Variants in POLN observed in about 807,000 individuals in gnomAD.
POLN encodes DNA polymerase N.
A neutral mutation model predicts 113.5 loss-of-function variants in POLN; 108 were observed. The observed-to-expected ratio is 0.95, with a 90% CI of 0.81 to 1.12. POLN has a LOEUF of 1.12. Ranked by LOEUF, POLN falls within the 50% of genes most tolerant of loss-of-function variation. The probability of loss-of-function intolerance (pLI) is 0.00; values close to 1 mark genes in which losing one functional copy is unlikely to be tolerated. For missense variants in POLN, 1,097 were observed against 1,077.1 expected (o/e 1.02, Z -0.26); for synonymous variants, 386 against 391.5 (o/e 0.99, Z 0.17).
chr4:2,179,637 T>A (rs776719148), intron 7 of POLN, among the ~76,000 whole-genome samples, 172 bp from the exon 8 acceptor site: 7 of 152,198 alleles, frequency 4.6e-5, no homozygotes, highest in Non-Finnish European at 1.0e-4. Context: ...GAACCCTTGA[T>A]AAGGCAGCCT....
chr4:2,207,835 G>T, intron 5 of POLN, 152 bp downstream of exon 5: 1 of 829,870 alleles, frequency 1.2e-6, no homozygotes, highest in Non-Finnish European at 1.8e-6. Context: ...CTAAGAAACT[G>T]ATGGGAGCAT....
chr4:2,235,796 G>C lies in POLN; in HGVS notation c.-13+5724C>G, dbSNP rs73201295. On this transcript the variant is annotated intron_variant, in intron 2 of 25. Coordinates refer to ENST00000511885, the MANE Select transcript of POLN (RefSeq NM_181808.4). Reference sequence around the variant, plus strand: ...GTGCGTAATAAAACTATACATAAAAGCAAGAAAATAATGAACAAATTAAGC... The same window carrying C: ...GTGCGTAATAAAACTATACATAAAACCAAGAAAATAATGAACAAATTAAGC... 4.6e-3 allele frequency among the ~76,000 whole-genome samples: 702 copies of C among 152,012 alleles called. 4 individuals carry two copies. The highest frequency in any genetic ancestry group is 8.4e-3 in the Admixed American group (129 of 15,270).
At chr4:2,146,203 G>A (rs200383779) in intron 16 of POLN, among the ~76,000 whole-genome samples, 2 of 152,062 alleles carry the variant, frequency 1.3e-5, no homozygotes, top group East Asian at 3.9e-4. Flanking sequence ...GATTAACAGG[G>A]GCTTTAAATG....
rs755336523 is a variant in POLN at position 2,159,225 on chromosome 4, T to C, written c.1555-14A>G. The C allele has an allele frequency of 1.3e-6, 2 of 1,580,858 alleles. No homozygotes were observed. Among genetic ancestry groups the C allele is most frequent in the East Asian group, 4.5e-5 (2 of 44,644 alleles). On this transcript the variant is annotated splice_polypyrimidine_tract_variant and intron_variant, in intron 13 of 25. Coordinates refer to ENST00000511885, the MANE Select transcript of POLN (RefSeq NM_181808.4). ...CAGAGCATTTAACTAAACATGAAAA[T>C]AGATACTACCAATGTAATTCGTCCA...
At position 2,124,783 on chromosome 4, in the gene POLN, G is replaced by T. The variant is rs569255452; in HGVS notation, c.1982+3330C>A. 1.3e-3 allele frequency among the ~76,000 whole-genome samples: 197 copies of T among 152,282 alleles called. 1 individual carries two copies. Among genetic ancestry groups the T allele is most frequent in the African/African-American group, 4.2e-3 (176 of 41,550 alleles). On this transcript the variant is annotated intron_variant, in intron 19 of 25. Transcript: ENST00000511885. Reference sequence around the variant, plus strand: ...TGACTTGTCCCTTGCTGGGGGTGGGGTCCTCGTTGCTGTTGCTGGCCCTGG... The same window carrying T: ...TGACTTGTCCCTTGCTGGGGGTGGGTTCCTCGTTGCTGTTGCTGGCCCTGG...
rs186029856 is a variant in POLN, at chr4:2,143,022, T to A, written c.1732-11732A>T. On this transcript the variant is annotated intron_variant, in intron 16 of 25. Transcript: ENST00000511885. The stretch of plus-strand genomic sequence containing the variant: ...CTCTCCCTTACACGTTTAACTCTGA[T>A]GCAATTTTTTTTTGGACAAACTATA... Among the ~76,000 whole-genome samples, 27 of 152,236 alleles carry A rather than the reference T, an allele frequency of 1.8e-4. 1 individual carries two copies. Among genetic ancestry groups the A allele is most frequent in the Admixed American group, 1.6e-3 (24 of 15,278 alleles).
chr4:2,081,947 CTTTT>C (rs71167773), intron 21 of POLN, among the ~76,000 whole-genome samples: 6 of 92,550 alleles, frequency 6.5e-5, no homozygotes, highest in East Asian at 2.8e-4. Context: ...GCACTCTGCA[CTTTT>C]TTTTTTTTTT....
At chr4:2,095,823 A>T in intron 20 of POLN, 28 bp downstream of exon 20, 1 of 1,606,404 alleles carries the variant, frequency 6.2e-7, no homozygotes, top group Non-Finnish European at 8.5e-7. Context: ...GGTAACCCCG[A>T]GACCCCAGCT....
intron 13 of POLN, among the ~76,000 whole-genome samples, chr4:2,161,827 C>G (rs2108742696): frequency 6.6e-6 from 1 of 152,308 alleles, no homozygotes; most frequent in Admixed American, 6.5e-5. Flanking sequence ...TTTGTAAATA[C>G]ACCAATCAGC....
At chr4:2,233,655 T>A (rs1734659051) in intron 2 of POLN, among the ~76,000 whole-genome samples, 1 of 152,206 alleles carries the variant, frequency 6.6e-6, no homozygotes, top group Admixed American at 6.5e-5. Context: ...TTAAATTGAC[T>A]TATTTTTTTC....
At chr4:2,159,629 A>G (rs1345367144) in intron 13 of POLN, among the ~76,000 whole-genome samples, 1 of 152,202 alleles carries the variant, frequency 6.6e-6, no homozygotes, top group East Asian at 1.9e-4. Context: ...GAGTAAGAAA[A>G]GTTTGTTAAT....
At chr4:2,214,850 T>C (rs1299616798) in intron 3 of POLN, among the ~76,000 whole-genome samples, 1 of 151,732 alleles carries the variant, frequency 6.6e-6, no homozygotes, top group Admixed American at 6.6e-5. Flanking sequence ...TTAGGATATG[T>C]GTGCTGTTTT....
intron 7 of POLN, among the ~76,000 whole-genome samples, chr4:2,183,880 CT>C (rs1733204555): frequency 1.5e-5 from 2 of 134,932 alleles, no homozygotes; most frequent in South Asian, 4.4e-4. Flanking sequence ...ACAAGGTGTT[CT>C]TTTTTTCTTT....
intron 3 of POLN, among the ~76,000 whole-genome samples, chr4:2,218,181 C>T (rs996188563): frequency 2.0e-5 from 3 of 151,398 alleles, no homozygotes; most frequent in Non-Finnish European, 2.9e-5. Flanking sequence ...CCTGTAATCC[C>T]AGCACTTTGG....
In POLN at chr4:2,241,676, C is replaced by A. The variant is rs992069218; in HGVS notation, c.-169G>T. The stretch of plus-strand genomic sequence containing the variant: ...AGCCCCGACGCCAGGGCCGCGCGAA[C>A]CCCAGAGGCAGCGGCAAGCCCCAGG... On this transcript the variant is annotated 5_prime_UTR_variant, in exon 2 of 26. Coordinates refer to ENST00000511885, the MANE Select transcript of POLN (RefSeq NM_181808.4). The A allele has an allele frequency of 5.2e-5, 51 of 985,386 alleles. No individual in the cohort carries two copies. The highest frequency in any genetic ancestry group is 6.1e-5 in the Non-Finnish European group (51 of 829,954). The allele number at this position is 985,386 out of a possible 1,614,324, so 61.0% of individuals were successfully genotyped here.
At chr4:2,101,971 G>C (rs1730937672) in intron 19 of POLN, among the ~76,000 whole-genome samples, 1 of 152,160 alleles carries the variant, frequency 6.6e-6, no homozygotes, top group African/African-American at 2.4e-5. Context: ...TGTGACAGCT[G>C]GGATGGGGGA....
At chr4:2,165,106 T>A (rs777215762) in intron 13 of POLN, among the ~76,000 whole-genome samples, 15 of 152,196 alleles carry the variant, frequency 9.9e-5, no homozygotes, top group Non-Finnish European at 1.8e-4. Flanking sequence ...AAAATTTATG[T>A]CCACCTAAAA....
intron 7 of POLN, among the ~76,000 whole-genome samples, chr4:2,189,815 G>T (rs1015676415): frequency 6.6e-6 from 1 of 151,524 alleles, no homozygotes; most frequent in Non-Finnish European, 1.5e-5. Context: ...TGGATCACGA[G>T]GTCAGGAGAT....
intron 16 of POLN, chr4:2,156,516 G>C: frequency 1.7e-6 from 1 of 578,902 alleles, no homozygotes; most frequent in Non-Finnish European, 3.2e-6. Context: ...AAGGAAGATG[G>C]GGTACGGGTG....
Sources: allele counts gnomAD v4.1 joint callset (sites outside exome capture counted in the v4.1 genomes callset), GRCh38; gene constraint gnomAD v4.1.1; transcripts MANE v1.5; gene names NCBI Gene and HGNC (gene_info 2026-07-23, HGNC 2026-07-21).